SCN8A: variants seen among roughly 807,000 people sequenced by gnomAD.
SCN8A encodes the protein sodium voltage-gated channel alpha subunit 8.
Under a neutral mutation model 184.1 loss-of-function variants are expected in SCN8A, and 30 were observed. That is an observed-to-expected ratio of 0.16 (90% confidence interval 0.12 to 0.22). SCN8A has a LOEUF of 0.22. Ranked by LOEUF, SCN8A falls within the 10% of genes least tolerant of loss-of-function variation. SCN8A has a pLI of 1.00. For synonymous variants in SCN8A, 852 were observed against 907.0 expected (o/e 0.94, Z 1.09); for missense variants, 1,057 against 2,498.9 (o/e 0.42, Z 12.30).
chr12:51,763,595 G>C (rs908855183), intron 15 of SCN8A, among the ~76,000 whole-genome samples: 1 of 152,216 alleles, frequency 6.6e-6, no homozygotes, highest in Non-Finnish European at 1.5e-5. Flanking sequence ...AAAGGAGTTT[G>C]TATTAATGTA....
chr12:51,649,937 G>T (rs766247387), intron 1 of SCN8A, among the ~76,000 whole-genome samples: 6 of 152,072 alleles, frequency 3.9e-5, no homozygotes, highest in Non-Finnish European at 7.4e-5. Context: ...TTTACTCTCA[G>T]CTTCCCTTAT....
At chr12:51,628,266 A>G (rs999736452) in intron 1 of SCN8A, among the ~76,000 whole-genome samples, 3 of 152,218 alleles carry the variant, frequency 2.0e-5, no homozygotes, top group Non-Finnish European at 4.4e-5. Flanking sequence ...ACTAGTTTAC[A>G]TTTAGCATAG....
intron 9 of SCN8A, among the ~76,000 whole-genome samples, chr12:51,704,512 A>G (rs544007484): frequency 3.0e-4 from 45 of 151,374 alleles, no homozygotes; most frequent in Middle Eastern, 3.4e-3. Flanking sequence ...TCTACTAAAA[A>G]TACAAAAATT....
intron 1 of SCN8A, among the ~76,000 whole-genome samples, chr12:51,615,400 C>T (rs1939813717): frequency 6.6e-6 from 1 of 152,022 alleles, no homozygotes; most frequent in Non-Finnish European, 1.5e-5. Context: ...ACAAAAAATA[C>T]AAAAATTAGT....
chr12:51,721,461 G>A lies in SCN8A; in HGVS notation c.1636-85G>A, dbSNP rs943536608. The stretch of plus-strand genomic sequence containing the variant: ...GGAGTGCGAGGGTGGGGCCGGCTGG[G>A]AACCTAACCACTTTGCTCAGTATAA... On this transcript the variant is annotated intron_variant, in intron 11 of 26. Coordinates refer to ENST00000627620, the MANE Select transcript of SCN8A (RefSeq NM_001330260.2). 3 of 1,414,760 alleles carry A rather than the reference G, an allele frequency of 2.1e-6. No individual in the cohort carries two copies. The Admixed American group carries it at 8.0e-5, about 38-fold the overall frequency. The allele number at this position is 1,414,760 out of a possible 1,614,324, so 87.6% of individuals were successfully genotyped here. A position where few individuals can be genotyped will look rare whatever the true frequency, so the allele number is the denominator to read the frequency against.
chr12:51,619,902 C>T (rs1939924133), intron 1 of SCN8A, among the ~76,000 whole-genome samples: 1 of 152,178 alleles, frequency 6.6e-6, no homozygotes, highest in African/African-American at 2.4e-5. Context: ...CATGTGTTCT[C>T]ACCTACACAA....
chr12:51,606,724 G>C (rs1484557747), intron 1 of SCN8A, among the ~76,000 whole-genome samples: 1 of 151,930 alleles, frequency 6.6e-6, no homozygotes, highest in African/African-American at 2.4e-5. Flanking sequence ...CATGAGCATG[G>C]GATGTGTTTC....
At chr12:51,709,188 G>C (rs1941832151) in intron 11 of SCN8A, among the ~76,000 whole-genome samples, 1 of 152,214 alleles carries the variant, frequency 6.6e-6, no homozygotes, top group Non-Finnish European at 1.5e-5. Context: ...GCATATTCCA[G>C]TTTAGACATC....
chr12:51,673,732 G>A (rs527928290), intron 2 of SCN8A, among the ~76,000 whole-genome samples: 1 of 152,288 alleles, frequency 6.6e-6, no homozygotes, highest in Admixed American at 6.5e-5. Flanking sequence ...CATAGTAGAT[G>A]GAAGATAAAC....
At chr12:51,800,803 C>T (rs1004547936) in intron 26 of SCN8A, among the ~76,000 whole-genome samples, 1 of 152,136 alleles carries the variant, frequency 6.6e-6, no homozygotes, top group African/African-American at 2.4e-5. Context: ...CAGTAGTCCC[C>T]GAAAGGGGAC....
Position 51,717,904 on chromosome 12 carries a change from G to A in SCN8A, c.1636-3642G>A, listed in dbSNP as rs149169049. ...TATGATTAGTGCTTTTCTTGATGTG[G>A]TCCCCAGTGATCAAATTCATTTATT... On this transcript the variant is annotated intron_variant, in intron 11 of 26. Transcript: ENST00000627620. 4.7e-3 allele frequency among the ~76,000 whole-genome samples: 718 copies of A among 152,252 alleles called. 4 individuals carry two copies. The highest frequency in any genetic ancestry group is 8.0e-3 in the Non-Finnish European group (542 of 68,022).
At chr12:51,706,295 T>C in intron 10 of SCN8A, 127 bp from the exon 11 acceptor site, 1 of 862,242 alleles carries the variant, frequency 1.2e-6, no homozygotes, top group Non-Finnish European at 1.7e-6. Flanking sequence ...TCTAACAGTC[T>C]AGGTTTCCTG....
chr12:51,680,519 C>T (rs1177641240), intron 2 of SCN8A, among the ~76,000 whole-genome samples: 3 of 152,108 alleles, frequency 2.0e-5, no homozygotes, highest in Admixed American at 1.3e-4. Context: ...CTCCTTTTCC[C>T]TCACCTAAAA....
At chr12:51,696,971 G>A (rs1213101829) in intron 6 of SCN8A, among the ~76,000 whole-genome samples, 1 of 151,274 alleles carries the variant, frequency 6.6e-6, no homozygotes, top group African/African-American at 2.4e-5. Flanking sequence ...CCCAGAAGAC[G>A]GAGGTTGCAG....
chr12:51,627,683 C>CT (rs1940110087), intron 1 of SCN8A, among the ~76,000 whole-genome samples: 1 of 152,176 alleles, frequency 6.6e-6, no homozygotes, highest in Non-Finnish European at 1.5e-5. Flanking sequence ...GCCCAGCCCT[C>CT]TTTTTTCTTC....
chr12:51,722,094 C>G, intron 12 of SCN8A, 186 bp downstream of exon 12: 1 of 860,202 alleles, frequency 1.2e-6, no homozygotes. Context: ...TGGCCTATTT[C>G]TATTTCTCTC....
chr12:51,752,690 G>T (rs1347910834), intron 14 of SCN8A, among the ~76,000 whole-genome samples: 3 of 152,152 alleles, frequency 2.0e-5, no homozygotes, highest in African/African-American at 7.2e-5. Flanking sequence ...CTTGAAATGG[G>T]ACACTCCCAC....
intron 1 of SCN8A, 93 bp from the exon 2 acceptor site, chr12:51,662,671 G>T (rs1417983604): frequency 2.6e-6 from 2 of 768,174 alleles, no homozygotes; most frequent in Non-Finnish European, 4.2e-6. Flanking sequence ...TTTTGCAAAG[G>T]TTGTGAATTA....
intron 1 of SCN8A, among the ~76,000 whole-genome samples, chr12:51,621,528 C>G (rs1276772441): frequency 6.6e-6 from 1 of 152,210 alleles, no homozygotes; most frequent in East Asian, 1.9e-4. Flanking sequence ...ATGTCTTAGG[C>G]AGAGCCTATG....
Sources: gnomAD v4.1 joint callset for allele counts (sites outside exome capture counted in the v4.1 genomes callset) on GRCh38, gnomAD v4.1.1 for gene constraint, MANE v1.5 for transcripts, NCBI Gene and HGNC (gene_info 2026-07-23, HGNC 2026-07-21) for gene names.